The following NETO2 variants were observed in gnomAD, a reference collection of about 807,000 sequenced individuals.
NETO2 encodes the protein neuropilin and tolloid like 2, also known as neuropilin and tolloid-like protein 2.
NETO2 carries 28 observed loss-of-function variants against 62.5 expected under a neutral mutation model. The ratio of observed to expected loss-of-function variants is 0.45; its 90% CI spans 0.33 to 0.61. The LOEUF is 0.61. NETO2 is among the 20% of genes least tolerant of loss of function. The probability of loss-of-function intolerance (pLI) is 0.02; values close to 1 mark genes in which losing one functional copy is unlikely to be tolerated. For synonymous variants in NETO2, 214 were observed against 219.1 expected, an observed-to-expected ratio of 0.98 and a Z score of 0.21; for missense variants, 548 against 643.2, an observed-to-expected ratio of 0.85 and a Z score of 1.60.
intron 7 of NETO2, among the ~76,000 whole-genome samples, chr16:47,105,466 A>C (rs771954188): frequency 6.6e-5 from 10 of 152,208 alleles, no homozygotes; most frequent in Non-Finnish European, 1.3e-4. Context: ...CACCAAAAAC[A>C]ACAACAAAAA....
At chr16:47,126,548 G>A (rs1964160832) in intron 4 of NETO2, among the ~76,000 whole-genome samples, 1 of 152,130 alleles carries the variant, frequency 6.6e-6, no homozygotes, top group South Asian at 2.1e-4. Context: ...CTGTAAGGGC[G>A]GATACATGTC....
intron 7 of NETO2, among the ~76,000 whole-genome samples, chr16:47,093,376 C>T (rs191821141): frequency 1.3e-5 from 2 of 152,308 alleles, no homozygotes; most frequent in Admixed American, 1.3e-4. Flanking sequence ...CCACCTCCTC[C>T]GTAATTGATG....
At chr16:47,112,970 T>C (rs1484646769) in intron 6 of NETO2, among the ~76,000 whole-genome samples, 1 of 152,226 alleles carries the variant, frequency 6.6e-6, no homozygotes, top group Non-Finnish European at 1.5e-5. Context: ...ATACCAATTA[T>C]AGAAATAAAT....
intron 7 of NETO2, among the ~76,000 whole-genome samples, chr16:47,100,699 A>C (rs1043872118): frequency 3.7e-4 from 56 of 152,062 alleles, no homozygotes; most frequent in African/African-American, 1.1e-3. Flanking sequence ...ACTAGAAAAT[A>C]TAGAAGAAAT....
intron 7 of NETO2, among the ~76,000 whole-genome samples, chr16:47,104,521 A>G (rs145040167): frequency 5.1e-4 from 78 of 152,314 alleles, no homozygotes; most frequent in African/African-American, 1.7e-3. Context: ...CAGAAATAGA[A>G]AAAGTCATCC....
intron 1 of NETO2, among the ~76,000 whole-genome samples, chr16:47,136,584 T>C (rs1019424133): frequency 6.6e-6 from 1 of 152,112 alleles, no homozygotes; most frequent in Admixed American, 6.5e-5. Context: ...TTTTTCTATT[T>C]TAGTAGAGAC....
chr16:47,125,252 T>C (rs751047351), intron 4 of NETO2, among the ~76,000 whole-genome samples: 1 of 152,196 alleles, frequency 6.6e-6, no homozygotes, highest in Non-Finnish European at 1.5e-5. Context: ...ATATAAACTA[T>C]TGGTTCTCAA....
At chr16:47,089,226 G>A (rs1309601522) in intron 7 of NETO2, among the ~76,000 whole-genome samples, 1 of 152,148 alleles carries the variant, frequency 6.6e-6, no homozygotes, top group Non-Finnish European at 1.5e-5. Context: ...CCCCTTGGTG[G>A]CTGACATGAC....
chr16:47,129,094 T>C (rs878945199), intron 3 of NETO2, 130 bp downstream of exon 3: 6 of 844,898 alleles, frequency 7.1e-6, no homozygotes, highest in South Asian at 6.6e-5. Flanking sequence ...GAAATACTTA[T>C]CATTACTACA....
rs1051386177 is a variant in NETO2, at chr16:47,128,310, T to C, written c.481+15A>G. On this transcript the variant is annotated intron_variant, in intron 4 of 8. Transcript: ENST00000562435. ...GTGAGATGCCCAACCACTTAAAAGATAACTTATTCTTTACCTGGAATAAAT... is the reference window on the plus strand; with the variant it reads ...GTGAGATGCCCAACCACTTAAAAGACAACTTATTCTTTACCTGGAATAAAT... 3.1e-6 allele frequency: 5 copies of C among 1,608,248 alleles called. No homozygotes were observed. Among genetic ancestry groups the C allele is most frequent in the Non-Finnish European group, 4.2e-6 (5 of 1,177,142 alleles).
At chr16:47,143,484 C>G (rs888668694) in intron 1 of NETO2, 95 bp downstream of exon 1, 3 of 1,195,620 alleles carry the variant, frequency 2.5e-6, no homozygotes, top group South Asian at 8.4e-5. Flanking sequence ...CGTCGGGTCC[C>G]GGGCGCGGGT....
chr16:47,136,322 A>G (rs1324839077), intron 1 of NETO2, among the ~76,000 whole-genome samples: 1 of 152,170 alleles, frequency 6.6e-6, no homozygotes, highest in Non-Finnish European at 1.5e-5. Context: ...CCAAACAGAC[A>G]AGGTCCTTAT....
chr16:47,089,486 T>C (rs1963268224), intron 7 of NETO2, among the ~76,000 whole-genome samples: 1 of 152,232 alleles, frequency 6.6e-6, no homozygotes, highest in Non-Finnish European at 1.5e-5. Context: ...GTCTCAATCA[T>C]GATACTTCTG....
chr16:47,117,211 A>G (rs1963941078), intron 6 of NETO2, among the ~76,000 whole-genome samples: 1 of 152,172 alleles, frequency 6.6e-6, no homozygotes, highest in Admixed American at 6.6e-5. Context: ...TTTGGCTTCC[A>G]TCATTTCTAA....
rs192939388 is a variant in NETO2, at chr16:47,081,750, T to G, written c.*1471A>C. ...AATGAGTTCCTTTCCATACATACCT[T>G]AAGATCCACAACCTTGGTGGCATAA... On this transcript the variant is annotated 3_prime_UTR_variant, in exon 9 of 9. Coordinates refer to ENST00000562435, the MANE Select transcript of NETO2 (RefSeq NM_018092.5). 283 of 152,572 alleles carry G rather than the reference T, an allele frequency of 1.9e-3. 1 individual carries two copies. Among genetic ancestry groups the G allele is most frequent in the African/African-American group, 6.4e-3 (265 of 41,590 alleles). The allele number at this position is 152,572 out of a possible 1,614,324, so 9.5% of individuals were successfully genotyped here. A position where few individuals can be genotyped will look rare whatever the true frequency, so the allele number is the denominator to read the frequency against.
At chr16:47,135,351 C>A (rs1378519668) in intron 1 of NETO2, among the ~76,000 whole-genome samples, 1 of 152,080 alleles carries the variant, frequency 6.6e-6, no homozygotes, top group Non-Finnish European at 1.5e-5. Flanking sequence ...TACAGGAAGA[C>A]CTCACACTTT....
chr16:47,142,272 G>C (rs1964474878), intron 1 of NETO2, among the ~76,000 whole-genome samples: 1 of 152,212 alleles, frequency 6.6e-6, no homozygotes, highest in South Asian at 2.1e-4. Flanking sequence ...TTTACGGTTT[G>C]TGAAATATTC....
chr16:47,095,201 T>C (rs1309983066), intron 7 of NETO2, among the ~76,000 whole-genome samples: 1 of 151,716 alleles, frequency 6.6e-6, no homozygotes, highest in East Asian at 1.9e-4. Flanking sequence ...TAAGAACATA[T>C]CTATAAAATA....
rs796983567 is a variant in NETO2, at chr16:47,102,592, GAA to G, written c.883+6889_883+6890del. ...ATAAGGAACTTAAACAAATTTACAA[GAA>G]AAAAAAAAAAAAACAACCCCATCAA... On this transcript the variant is annotated intron_variant, in intron 7 of 8. Transcript: ENST00000562435. Among the ~76,000 whole-genome samples the G allele has an allele frequency of 1.2e-4, 11 of 95,150 alleles. No individual in the cohort carries two copies. In the East Asian group the frequency reaches 2.2e-3, roughly 19 times the overall value. 62.4% of individuals were successfully genotyped at this position (95,150 alleles called of 152,430 possible). A position where few individuals can be genotyped will look rare whatever the true frequency, so the allele number is the denominator to read the frequency against.
Sources: gnomAD v4.1 joint callset for allele counts (sites outside exome capture counted in the v4.1 genomes callset) on GRCh38, gnomAD v4.1.1 for gene constraint, MANE v1.5 for transcripts, NCBI Gene and HGNC (gene_info 2026-07-23, HGNC 2026-07-21) for gene names.